The following RALGAPA1 variants were observed in gnomAD, a reference collection of about 807,000 sequenced individuals.
RALGAPA1 encodes the protein ral GTPase-activating protein subunit alpha-1.
RALGAPA1 carries 52 observed loss-of-function variants against 269.6 expected under a neutral mutation model. That is an observed-to-expected ratio of 0.19 (90% confidence interval 0.15 to 0.24). RALGAPA1 has a LOEUF of 0.24. Among genes scored for constraint, RALGAPA1 ranks in the 10% least tolerant of loss-of-function variants. The pLI is 1.00. For missense variants in RALGAPA1, 1,917 were observed against 3,013.9 expected, an observed-to-expected ratio of 0.64 and a Z score of 8.52; for synonymous variants, 817 against 1,008.3, an observed-to-expected ratio of 0.81 and a Z score of 3.60.
intron 1 of RALGAPA1, among the ~76,000 whole-genome samples, chr14:35,800,550 A>G (rs1310120955): frequency 6.6e-6 from 1 of 152,244 alleles, no homozygotes; most frequent in East Asian, 1.9e-4. Context: ...ATGAAAATGA[A>G]AATACAAAAT....
Position 35,808,822 on chromosome 14 carries a change from T to C in RALGAPA1, c.14A>G (p.Lys5Arg). Residue 5 changes from lysine to arginine, a missense_variant, in exon 1 of 42, where the codon AAG becomes AGG. This residue lies in a region of RALGAPA1 where 462 missense variants were observed against 725.6 expected (regional missense o/e 0.64). Transcript: ENST00000680220. MFSK[K>R]PHGDVKKSTQ... ...GGACTTCTTCACGTCCCCGTGCGGC[T>C]TCTTGGAGAACATCCTGTCGCTGCC... The C allele has an allele frequency of 6.2e-7, 1 of 1,610,608 alleles. No homozygotes were observed. The highest frequency in any genetic ancestry group is 1.1e-5 in the South Asian group (1 of 90,492).
rs935547451 is a variant in RALGAPA1 at position 35,716,022 on chromosome 14, A to C, written c.2266+5666T>G. On this transcript the variant is annotated intron_variant, in intron 16 of 41. Transcript: ENST00000680220. The stretch of plus-strand genomic sequence containing the variant: ...ATATCAAGTTCACTATGTTGCTGGC[A>C]ATACGAGTCATGTAATGACTTTTTA... 3.0e-6 allele frequency: 3 copies of C among 984,974 alleles called. No homozygotes were observed. In the African/African-American group the frequency reaches 5.2e-5, roughly 17 times the overall value. The allele number at this position is 984,974 out of a possible 1,614,324, so 61.0% of individuals were successfully genotyped here. A position where few individuals can be genotyped will look rare whatever the true frequency, so the allele number is the denominator to read the frequency against.
chr14:35,552,180 G>A (rs866775061), intron 39 of RALGAPA1, among the ~76,000 whole-genome samples: 20 of 150,204 alleles, frequency 1.3e-4, no homozygotes, highest in East Asian at 1.9e-4. Flanking sequence ...CCCGGCCCCC[G>A]CTTTTTTTAC....
At chr14:35,678,845 C>G (rs1566982601) in intron 21 of RALGAPA1, among the ~76,000 whole-genome samples, 1 of 152,148 alleles carries the variant, frequency 6.6e-6, no homozygotes, top group Non-Finnish European at 1.5e-5. Context: ...CTGGTTAACT[C>G]CTATTTATTT....
chr14:35,629,803 A>G (rs1000923064), intron 33 of RALGAPA1, among the ~76,000 whole-genome samples: 3 of 152,194 alleles, frequency 2.0e-5, no homozygotes, highest in African/African-American at 7.2e-5. Context: ...TGAGCCAAAT[A>G]CAGATTTAAG....
Position 35,738,417 on chromosome 14 carries a change from T to C in RALGAPA1, c.1587+96A>G. 3 of 844,478 alleles carry C rather than the reference T, an allele frequency of 3.6e-6. No individual in the cohort carries two copies. The Admixed American group carries it at 1.1e-4, about 32-fold the overall frequency. The allele number at this position is 844,478 out of a possible 1,614,324, so 52.3% of individuals were successfully genotyped here. Reference sequence around the variant, plus strand: ...CATAATGATAAATATAGGTGGTGAATTTATTATATTGTGAAAAGTATACTG... The same window carrying C: ...CATAATGATAAATATAGGTGGTGAACTTATTATATTGTGAAAAGTATACTG... On this transcript the variant is annotated intron_variant, in intron 12 of 41. Transcript: ENST00000680220.
intron 41 of RALGAPA1, among the ~76,000 whole-genome samples, chr14:35,544,370 T>TA (rs984053910): frequency 6.6e-6 from 1 of 152,204 alleles, no homozygotes; most frequent in African/African-American, 2.4e-5. Flanking sequence ...CTGTAATAGT[T>TA]AAGATCATGC....
At position 35,686,546 on chromosome 14, in the gene RALGAPA1, G is replaced by C; in HGVS notation, c.4073C>G (p.Ala1358Gly). The change falls in exon 19 of 42, where the codon GCC (alanine) becomes GGC (glycine). Residue 1358 changes from alanine to glycine, a missense_variant. Physicochemically the swap from Ala to Gly is moderately conservative, Grantham distance 60. This residue lies in a region of RALGAPA1 where 615 missense variants were observed against 790.0 expected (regional missense o/e 0.78). Coordinates refer to ENST00000680220, the MANE Select transcript of RALGAPA1 (RefSeq NM_001346249.2). ...AATATATAAAATAAAACTTACCGAGGCATTACCACTTCGAAGTCGTTCTGC... is the reference window on the plus strand; with the variant it reads ...AATATATAAAATAAAACTTACCGAGCCATTACCACTTCGAAGTCGTTCTGC... ...FIAERLRSGN[A>G]STMTRRGSSP... 1 of 1,599,138 alleles carries C rather than the reference G, an allele frequency of 6.3e-7. No individual in the cohort carries two copies. The highest frequency in any genetic ancestry group is 8.5e-7 in the Non-Finnish European group (1 of 1,175,460).
At chr14:35,712,491 C>T (rs914703127) in intron 16 of RALGAPA1, among the ~76,000 whole-genome samples, 1 of 151,792 alleles carries the variant, frequency 6.6e-6, no homozygotes, top group Non-Finnish European at 1.5e-5. Flanking sequence ...TTTATTTCTC[C>T]TTCATTTTTA....
At chr14:35,744,140 G>T (rs1289962183) in intron 10 of RALGAPA1, among the ~76,000 whole-genome samples, 3 of 152,136 alleles carry the variant, frequency 2.0e-5, no homozygotes, top group Non-Finnish European at 4.4e-5. Context: ...GGGAAGCCAA[G>T]GCTGGCAGAT....
intron 12 of RALGAPA1, among the ~76,000 whole-genome samples, chr14:35,733,230 C>T (rs192887031): frequency 7.9e-5 from 12 of 152,100 alleles, no homozygotes; most frequent in Non-Finnish European, 1.5e-4. Context: ...GTAATCCCAG[C>T]GCTTTGGGAG....
chr14:35,649,761 A>G (rs963643676), intron 31 of RALGAPA1, among the ~76,000 whole-genome samples: 8 of 151,962 alleles, frequency 5.3e-5, no homozygotes, highest in Admixed American at 5.2e-4. Context: ...TCTACTTTTT[A>G]TACTATTTAT....
At chr14:35,673,708 G>A (rs777434576) in intron 24 of RALGAPA1, among the ~76,000 whole-genome samples, 5 of 152,110 alleles carry the variant, frequency 3.3e-5, no homozygotes, top group Non-Finnish European at 7.4e-5. Flanking sequence ...AGCCTCTCGA[G>A]TAGCTGGGAT....
intron 4 of RALGAPA1, among the ~76,000 whole-genome samples, chr14:35,763,007 A>G (rs143349019): frequency 6.6e-6 from 1 of 152,342 alleles, no homozygotes; most frequent in East Asian, 1.9e-4. Context: ...TGCATTTAAC[A>G]CAACAATCTA....
intron 13 of RALGAPA1, among the ~76,000 whole-genome samples, chr14:35,727,646 T>C (rs1299966707): frequency 1.3e-5 from 2 of 152,000 alleles, no homozygotes; most frequent in African/African-American, 4.8e-5. Context: ...GTAAATACCT[T>C]CTAGGGGTTC....
At chr14:35,633,546 G>T (rs1294419426) in intron 33 of RALGAPA1, among the ~76,000 whole-genome samples, 1 of 151,940 alleles carries the variant, frequency 6.6e-6, no homozygotes, top group East Asian at 1.9e-4. Flanking sequence ...AATACTTTTG[G>T]TTTTGTGAGC....
intron 33 of RALGAPA1, among the ~76,000 whole-genome samples, chr14:35,628,231 A>C (rs2061111344): frequency 6.6e-6 from 1 of 152,184 alleles, no homozygotes; most frequent in East Asian, 1.9e-4. Context: ...ATTATAAATC[A>C]ATCATGAAAT....
rs2072582752 is a variant in RALGAPA1 at position 35,750,551 on chromosome 14, C to T, written c.942G>A (p.Leu314=). ...IVIRWLVSFW[L]EPKPHTGPHI... ...GAGGTCCTGTATGTGGTTTTGGCTC[C>T]AGCCAGAAAGAAACCAGCCAACGAA... Residue 314 remains leucine (L), a synonymous_variant, in exon 9 of 42, where the codon CTG becomes CTA. Coordinates refer to ENST00000680220, the MANE Select transcript of RALGAPA1 (RefSeq NM_001346249.2). 1 of 1,613,050 alleles carries T rather than the reference C, an allele frequency of 6.2e-7. No individual in the cohort carries two copies. The highest frequency in any genetic ancestry group is 8.5e-7 in the Non-Finnish European group (1 of 1,179,394).
intron 37 of RALGAPA1, among the ~76,000 whole-genome samples, chr14:35,584,663 A>T (rs1305040832): frequency 6.6e-6 from 1 of 152,232 alleles, no homozygotes; most frequent in South Asian, 2.1e-4. Flanking sequence ...AAGTTAAAAA[A>T]AGAAGCATAA....
Sources: gnomAD v4.1 joint callset for allele counts (sites outside exome capture counted in the v4.1 genomes callset) on GRCh38, gnomAD v4.1.1 for gene constraint, gnomAD v4.1.1 regional missense constraint, MANE v1.5 for transcripts, NCBI Gene and HGNC (gene_info 2026-07-23, HGNC 2026-07-21) for gene names.